Variants in STXBP5 observed in about 807,000 individuals in gnomAD.
STXBP5 encodes the protein syntaxin binding protein 5, also known as syntaxin-binding protein 5.
STXBP5 carries 50 observed loss-of-function variants against 152.4 expected under a neutral mutation model. The ratio of observed to expected loss-of-function variants is 0.33; its 90% CI spans 0.26 to 0.42. The LOEUF (loss-of-function observed/expected upper bound fraction) is 0.42, where lower values mean the gene tolerates loss of function less well. Ranked by LOEUF, STXBP5 falls within the 10% of genes least tolerant of loss-of-function variation. STXBP5 has a pLI of 1.00. For synonymous variants in STXBP5, 492 were observed against 494.7 expected (o/e 0.99, Z 0.07); for missense variants, 1,167 against 1,388.6 (o/e 0.84, Z 2.54).
chr6:147,217,869 T>C (rs1777256044), intron 2 of STXBP5, among the ~76,000 whole-genome samples: 1 of 152,196 alleles, frequency 6.6e-6, no homozygotes, highest in Non-Finnish European at 1.5e-5. Context: ...ATGTGCACAT[T>C]TTTCATGGCT....
At chr6:147,314,567 C>G (rs1314545574) in intron 13 of STXBP5, 29 bp from the exon 14 acceptor site, 2 of 1,601,312 alleles carry the variant, frequency 1.2e-6, no homozygotes, top group Admixed American at 1.7e-5. Context: ...TAATTTTATT[C>G]ATCACATTCT....
rs937204127 is a variant in STXBP5 at position 147,314,043 on chromosome 6, G to C, written c.1293+12G>C. On this transcript the variant is annotated intron_variant, in intron 12 of 27. Coordinates refer to ENST00000321680, the MANE Select transcript of STXBP5 (RefSeq NM_001127715.4). ...GTTACAGCAAAAAGGTATTGAACAT[G>C]AGCTTCAGTATTTAATGTTATATTT... 1.3e-6 allele frequency: 2 copies of C among 1,573,126 alleles called. No homozygotes were observed. The highest frequency in any genetic ancestry group is 3.5e-5 in the Admixed American group (2 of 56,492).
chr6:147,249,731 G>T (rs910617063), intron 4 of STXBP5, among the ~76,000 whole-genome samples: 1 of 152,158 alleles, frequency 6.6e-6, no homozygotes, highest in African/African-American at 2.4e-5. Flanking sequence ...GTTTCTAAAA[G>T]TGTGGCACAG....
intron 27 of STXBP5, 94 bp downstream of exon 27, chr6:147,383,092 A>G: frequency 7.3e-7 from 1 of 1,371,458 alleles, no homozygotes; most frequent in Non-Finnish European, 1.0e-6. Context: ...TTCTACACCC[A>G]TGAATTTGCA....
At chr6:147,351,531 A>T (rs1018218124) in intron 21 of STXBP5, among the ~76,000 whole-genome samples, 1 of 152,170 alleles carries the variant, frequency 6.6e-6, no homozygotes, top group Non-Finnish European at 1.5e-5. Context: ...TAGAGATACA[A>T]TATTTTCTAA....
chr6:147,358,764 G>A (rs900796335), intron 22 of STXBP5, among the ~76,000 whole-genome samples: 1 of 150,572 alleles, frequency 6.6e-6, no homozygotes, highest in African/African-American at 2.5e-5. Context: ...AAGAGAAAAC[G>A]TATTTACTAT....
chr6:147,375,258 TATC>T (rs904943031), intron 26 of STXBP5, among the ~76,000 whole-genome samples: 2 of 152,058 alleles, frequency 1.3e-5, no homozygotes, highest in African/African-American at 4.8e-5. Context: ...ACAAAATAAT[TATC>T]ATAATTATAG....
In STXBP5 at chr6:147,262,757, C is replaced by G. The variant is rs568066421; in HGVS notation, c.630+404C>G. Among the ~76,000 whole-genome samples, 11 of 151,782 alleles carry G rather than the reference C, an allele frequency of 7.2e-5. No individual in the cohort carries two copies. In the South Asian group the frequency reaches 2.3e-3, roughly 31 times the overall value. On this transcript the variant is annotated intron_variant, in intron 6 of 27. Transcript: ENST00000321680. ...CGTTATAGTTGTCTTGTTACCTCATCTCCCCTAAAATTTTTTGTCATAAAT... is the reference window on the plus strand; with the variant it reads ...CGTTATAGTTGTCTTGTTACCTCATGTCCCCTAAAATTTTTTGTCATAAAT...
chr6:147,238,329 CA>C (rs1437072622), intron 3 of STXBP5, among the ~76,000 whole-genome samples: 2 of 152,120 alleles, frequency 1.3e-5, no homozygotes, highest in Non-Finnish European at 2.9e-5. Flanking sequence ...AACTCACTAG[CA>C]TAAGAACTAA....
At position 147,317,576 on chromosome 6, in the gene STXBP5, T is replaced by G. The variant is rs540303882; in HGVS notation, c.1802+1169T>G. Among the ~76,000 whole-genome samples the G allele has an allele frequency of 3.9e-5, 6 of 152,174 alleles. No homozygotes were observed. In the East Asian group the frequency reaches 1.2e-3, roughly 29 times the overall value. On this transcript the variant is annotated intron_variant, in intron 16 of 27. Coordinates refer to ENST00000321680, the MANE Select transcript of STXBP5 (RefSeq NM_001127715.4). Reference sequence around the variant, plus strand: ...CAAGGCAGTGCACACAACAAAGAATTACCAGCTCAAAACATCAGTAGTGCC... The same window carrying G: ...CAAGGCAGTGCACACAACAAAGAATGACCAGCTCAAAACATCAGTAGTGCC...
intron 2 of STXBP5, among the ~76,000 whole-genome samples, chr6:147,213,538 G>T (rs1777003428): frequency 1.3e-5 from 2 of 150,926 alleles, no homozygotes; most frequent in South Asian, 4.2e-4. Flanking sequence ...CAAAGATGGG[G>T]TCATACTATG....
At chr6:147,238,272 A>T (rs1778375195) in intron 3 of STXBP5, among the ~76,000 whole-genome samples, 1 of 152,206 alleles carries the variant, frequency 6.6e-6, no homozygotes, top group Non-Finnish European at 1.5e-5. Flanking sequence ...CAGAAAGGGA[A>T]GCTGGTGCAT....
intron 4 of STXBP5, among the ~76,000 whole-genome samples, chr6:147,244,851 C>T (rs1481470916): frequency 6.6e-6 from 1 of 152,080 alleles, no homozygotes; most frequent in Non-Finnish European, 1.5e-5. Flanking sequence ...AATTTTTACT[C>T]CCCTGTGTGA....
rs755264015 is a variant in STXBP5, at chr6:147,278,185, A to G, written c.819A>G (p.Val273=). 6.2e-7 allele frequency: 1 copy of G among 1,610,588 alleles called. No individual in the cohort carries two copies. Among genetic ancestry groups the G allele is most frequent in the Non-Finnish European group, 8.5e-7 (1 of 1,177,974 alleles). The change falls in exon 8 of 28, where the codon GTA becomes GTG. Residue 273 remains valine, a synonymous_variant. Transcript: ENST00000321680. ...ATGTAAGGTCCCCTGCTAAACCAGT[A>G]CAGACAATCACTCCACATGGTAAGA... ...IWNVRSPAKP[V]QTITPHGKQL...
At position 147,311,495 on chromosome 6, in the gene STXBP5, GGATTTA is replaced by G. The variant is rs1178432371; in HGVS notation, c.1115_1120del (p.Asp372_Leu373del). On this transcript the variant is annotated inframe_deletion, in exon 11 of 28. Transcript: ENST00000321680. ...ATGCTGTGGTTGTTCTTCTAGAAAAGGATTTAGTACTTATAGACCTTGCACAAAATG... is the reference window on the plus strand; with the variant it reads ...ATGCTGTGGTTGTTCTTCTAGAAAAGGTACTTATAGACCTTGCACAAAATG... 6.2e-7 allele frequency: 1 copy of G among 1,612,154 alleles called. No homozygotes were observed.
At chr6:147,357,740 T>C (rs563843536) in intron 22 of STXBP5, among the ~76,000 whole-genome samples, 1 of 152,142 alleles carries the variant, frequency 6.6e-6, no homozygotes, top group African/African-American at 2.4e-5. Context: ...ATAGGTCAAA[T>C]GAAAAGGAGA....
chr6:147,215,139 G>A (rs150185794), intron 2 of STXBP5, among the ~76,000 whole-genome samples: 349 of 152,332 alleles, frequency 2.3e-3, no homozygotes, highest in African/African-American at 7.8e-3. Flanking sequence ...TAATGAATAA[G>A]TGTGCGTCAG....
At position 147,218,573 on chromosome 6, in the gene STXBP5, T is replaced by A. The variant is rs189958047; in HGVS notation, c.248+12505T>A. On this transcript the variant is annotated intron_variant, in intron 2 of 27. Coordinates refer to ENST00000321680, the MANE Select transcript of STXBP5 (RefSeq NM_001127715.4). ...ACAGCTCACTGCAGCCTCGATCTCC[T>A]GGGCTCGAGCAATCCTTCCACCTCA... is the stretch of plus-strand genomic sequence containing the variant. Among the ~76,000 whole-genome samples, 4 of 152,192 alleles carry A rather than the reference T, an allele frequency of 2.6e-5. No homozygotes were observed. The East Asian group carries it at 7.8e-4, about 30-fold the overall frequency.
chr6:147,229,716 A>G (rs557598551), intron 2 of STXBP5, among the ~76,000 whole-genome samples: 2 of 151,978 alleles, frequency 1.3e-5, no homozygotes, highest in Non-Finnish European at 2.9e-5. Context: ...GTCTTGTATT[A>G]TGCAACCTTG....
Sources: gnomAD v4.1 joint callset for allele counts (sites outside exome capture counted in the v4.1 genomes callset) on GRCh38, gnomAD v4.1.1 for gene constraint, MANE v1.5 for transcripts, NCBI Gene and HGNC (gene_info 2026-07-23, HGNC 2026-07-21) for gene names.